The following SLC5A12 variants were observed in gnomAD, a reference collection of about 807,000 sequenced individuals.
SLC5A12 encodes the protein sodium-coupled monocarboxylate transporter 2.
In SLC5A12, 46 loss-of-function variants were observed where a neutral mutation model predicts 72.7. That is an observed-to-expected ratio of 0.63 (90% confidence interval 0.50 to 0.81). The LOEUF (loss-of-function observed/expected upper bound fraction) is 0.81, where lower values mean the gene tolerates loss of function less well. Among genes scored for constraint, SLC5A12 ranks in the 30% least tolerant of loss-of-function variants. SLC5A12 has a pLI of 0.00. For synonymous variants in SLC5A12, 275 were observed against 264.4 expected (o/e 1.04, Z -0.39); for missense variants, 683 against 740.7 (o/e 0.92, Z 0.90).
At chr11:26,705,479 G>T (rs1355653689) in intron 4 of SLC5A12, among the ~76,000 whole-genome samples, 8 of 152,086 alleles carry the variant, frequency 5.3e-5, no homozygotes, top group African/African-American at 1.9e-4. Context: ...AAGATGACAG[G>T]CTTCATCTTC....
At chr11:26,712,317 CAAAAACAAAAAA>C (rs1170156727) in intron 2 of SLC5A12, among the ~76,000 whole-genome samples, 1 of 151,850 alleles carries the variant, frequency 6.6e-6, no homozygotes. Context: ...AAAACAAAAA[CAAAAACAAAAAA>C]AGCAAAACCT....
At chr11:26,708,873 A>G (rs998449241) in intron 4 of SLC5A12, among the ~76,000 whole-genome samples, 3 of 152,106 alleles carry the variant, frequency 2.0e-5, no homozygotes, top group Non-Finnish European at 2.9e-5. Flanking sequence ...GAAATCCTCA[A>G]GTTTATAAAA....
chr11:26,678,376 T>C (rs972345317), intron 13 of SLC5A12, among the ~76,000 whole-genome samples: 2 of 152,036 alleles, frequency 1.3e-5, no homozygotes, highest in African/African-American at 2.4e-5. Context: ...TTTTGTTTGG[T>C]TGGGGTTTTT....
chr11:26,704,631 C>T (rs1855042134), intron 4 of SLC5A12, among the ~76,000 whole-genome samples: 1 of 152,054 alleles, frequency 6.6e-6, no homozygotes, highest in South Asian at 2.1e-4. Flanking sequence ...GTTGAGAGAC[C>T]ATCTCATTTT....
Position 26,698,408 on chromosome 11 carries a change from G to A in SLC5A12, c.949C>T (p.Gln317Ter). Residue 317 changes from glutamine (Q) to a stop codon, truncating the protein, a stop_gained and splice_region_variant, in exon 7 of 15, where the codon CAG (glutamine) becomes TAG (stop). Coordinates refer to ENST00000396005, the MANE Select transcript of SLC5A12 (RefSeq NM_178498.4). LOFTEE classifies it high-confidence loss of function. The part of the protein sequence containing the change: ...WTSGIISAPD[Q>*]LMPYFVMEIF... ...ACTGTCCTCAAGAAAACCCATACCTGGTCTGGTGCTGAGATGATGCCAGAA... is the reference window on the plus strand; with the variant it reads ...ACTGTCCTCAAGAAAACCCATACCTAGTCTGGTGCTGAGATGATGCCAGAA... The A allele has an allele frequency of 1.9e-6, 3 of 1,613,636 alleles. No homozygotes were observed. Among genetic ancestry groups the A allele is most frequent in the South Asian group, 2.2e-5 (2 of 91,048 alleles).
chr11:26,703,575 A>C lies in SLC5A12; in HGVS notation c.777T>G (p.Thr259=), dbSNP rs1389293291. The C allele has an allele frequency of 6.2e-7, 1 of 1,613,990 alleles. No homozygotes were observed. Among genetic ancestry groups the C allele is most frequent in the Non-Finnish European group, 8.5e-7 (1 of 1,179,946 alleles). ...TTTTGCAAGAGATGCATCGCTGAATAGTTGATTGATTGACCCCATAGATTC... is the reference window on the plus strand; with the variant it reads ...TTTTGCAAGAGATGCATCGCTGAATCGTTGATTGATTGACCCCATAGATTC... ...WLGIYGVNQS[T]IQRCISCKTE... Residue 259 remains threonine (T), a synonymous_variant, in exon 6 of 15, where the codon ACT becomes ACG. Transcript: ENST00000396005.
rs1855492261 is a variant in SLC5A12, at chr11:26,721,939, AC to A, written c.-226del. ...AGAAGAATCTGGTGGTGGTATTGGC[AC>A]CAAGAGATGAGAATTTGAAATCTGA... is the stretch of plus-strand genomic sequence containing the variant. On this transcript the variant is annotated 5_prime_UTR_variant, in exon 1 of 15. Transcript: ENST00000396005. 1.9e-6 allele frequency: 1 copy of A among 537,118 alleles called. No homozygotes were observed. The highest frequency in any genetic ancestry group is 3.3e-6 in the Non-Finnish European group (1 of 303,480). The allele number at this position is 537,118 out of a possible 1,614,324, so 33.3% of individuals were successfully genotyped here. A position where few individuals can be genotyped will look rare whatever the true frequency, so the allele number is the denominator to read the frequency against.
rs1055106474 is a variant in SLC5A12, at chr11:26,683,745, T to C, written c.1308+12A>G. 1 of 1,572,436 alleles carries C rather than the reference T, an allele frequency of 6.4e-7. No homozygotes were observed. The highest frequency in any genetic ancestry group is 8.6e-7 in the Non-Finnish European group (1 of 1,157,382). On this transcript the variant is annotated intron_variant, in intron 11 of 14. Transcript: ENST00000396005. ...TGACTGGGAATTGTGAAGAGGGCTG[T>C]GGGATCCTTACCTTCCAATTCACAA...
intron 1 of SLC5A12, among the ~76,000 whole-genome samples, chr11:26,716,019 G>T (rs1047484223): frequency 6.6e-6 from 1 of 152,154 alleles, no homozygotes; most frequent in Non-Finnish European, 1.5e-5. Flanking sequence ...AGATAATCAT[G>T]AATACAAAGA....
chr11:26,721,937 G>C lies in SLC5A12; in HGVS notation c.-223C>G, dbSNP rs1855492066. The C allele has an allele frequency of 3.7e-6, 2 of 537,494 alleles. No individual in the cohort carries two copies. Among genetic ancestry groups the C allele is most frequent in the Non-Finnish European group, 6.6e-6 (2 of 303,636 alleles). The allele number at this position is 537,494 out of a possible 1,614,324, so 33.3% of individuals were successfully genotyped here. On this transcript the variant is annotated 5_prime_UTR_variant, in exon 1 of 15. Transcript: ENST00000396005. Reference sequence around the variant, plus strand: ...AAAGAAGAATCTGGTGGTGGTATTGGCACCAAGAGATGAGAATTTGAAATC... The same window carrying C: ...AAAGAAGAATCTGGTGGTGGTATTGCCACCAAGAGATGAGAATTTGAAATC...
chr11:26,671,330 C>A, intron 14 of SLC5A12, 79 bp from the exon 15 acceptor site: 1 of 1,321,116 alleles, frequency 7.6e-7, no homozygotes, highest in Non-Finnish European at 1.0e-6. Flanking sequence ...CTTGTTTAGG[C>A]CTTGGCTTCA....
intron 13 of SLC5A12, among the ~76,000 whole-genome samples, chr11:26,676,286 C>CA (rs1364771048): frequency 6.6e-6 from 1 of 150,638 alleles, no homozygotes; most frequent in Non-Finnish European, 1.5e-5. Context: ...TGCCACTACT[C>CA]AACTCTGCCT....
At position 26,703,779 on chromosome 11, in the gene SLC5A12, T is replaced by G. The variant is rs749472191; in HGVS notation, c.680+14A>C. The G allele has an allele frequency of 3.7e-6, 6 of 1,613,200 alleles. No homozygotes were observed. The African/African-American group carries it at 5.3e-5, about 14-fold the overall frequency. ...AAGTCTTTGTAAAGTATGAAAAAGT[T>G]GCATTGGACATACTCAAATATATGT... On this transcript the variant is annotated intron_variant, in intron 5 of 14. Transcript: ENST00000396005.
rs57501561 is a variant in SLC5A12, at chr11:26,700,506, A to AAAATAAATAAAT, written c.822-1983_822-1972dup. On this transcript the variant is annotated intron_variant, in intron 6 of 14. Coordinates refer to ENST00000396005, the MANE Select transcript of SLC5A12 (RefSeq NM_178498.4). Reference sequence around the variant, plus strand: ...GATTAGAAGCAGGTAATGAACACTGAAAATAAATAAATAAATAAATAAATA... The same window carrying AAAATAAATAAAT: ...GATTAGAAGCAGGTAATGAACACTGAAAATAAATAAATAAATAAATAAATAAATAAATAAATA... 1.8e-3 allele frequency among the ~76,000 whole-genome samples: 267 copies of AAAATAAATAAAT among 150,046 alleles called. 3 individuals are homozygous for AAAATAAATAAAT. Among genetic ancestry groups the AAAATAAATAAAT allele is most frequent in the African/African-American group, 5.7e-3 (232 of 40,514 alleles).
intron 1 of SLC5A12, among the ~76,000 whole-genome samples, chr11:26,713,873 G>T (rs1309568905): frequency 6.6e-6 from 1 of 152,134 alleles, no homozygotes; most frequent in Non-Finnish European, 1.5e-5. Flanking sequence ...TCAGCTTCCT[G>T]CCTTCCTGCT....
At chr11:26,671,562 G>A (rs1024094170) in intron 14 of SLC5A12, among the ~76,000 whole-genome samples, 1 of 152,012 alleles carries the variant, frequency 6.6e-6, no homozygotes, top group Admixed American at 6.6e-5. Context: ...TACCTTATAA[G>A]GAGAAACATA....
chr11:26,704,504 A>G (rs1204570254), intron 4 of SLC5A12, among the ~76,000 whole-genome samples: 3 of 152,198 alleles, frequency 2.0e-5, no homozygotes, highest in African/African-American at 7.2e-5. Flanking sequence ...AGGACACTTA[A>G]ATGTTTTCTC....
At chr11:26,698,574 C>T (rs760508481) in intron 6 of SLC5A12, 39 bp from the exon 7 acceptor site, 1 of 1,607,172 alleles carries the variant, frequency 6.2e-7, no homozygotes, top group East Asian at 2.2e-5. Context: ...AGCCTGTATA[C>T]CATATCATAC....
At chr11:26,698,609 T>C (rs1009790299) in intron 6 of SLC5A12, 74 bp from the exon 7 acceptor site, 70 of 1,467,238 alleles carry the variant, frequency 4.8e-5, no homozygotes, top group Non-Finnish European at 8.3e-6. Flanking sequence ...TACCAGGTAC[T>C]CAAGGTAAAG....
Sources: allele counts gnomAD v4.1 joint callset (sites outside exome capture counted in the v4.1 genomes callset), GRCh38; gene constraint gnomAD v4.1.1; transcripts MANE v1.5; gene names NCBI Gene and HGNC (gene_info 2026-07-23, HGNC 2026-07-21).